The following MASP2 variants were observed in gnomAD, a reference collection of about 807,000 sequenced individuals.
MASP2 encodes the protein mannan-binding lectin serine protease 2.
In MASP2, 49 loss-of-function variants were observed where a neutral mutation model predicts 57.1. That is an observed-to-expected ratio of 0.86 (90% CI 0.68 to 1.09). MASP2 has a LOEUF of 1.09. Ranked by LOEUF, MASP2 falls within the 50% of genes least tolerant of loss-of-function variation. MASP2 has a pLI of 0.00. For synonymous variants in MASP2, 379 were observed against 340.8 expected, an observed-to-expected ratio of 1.11 and a Z score of -1.24; for missense variants, 900 against 874.8, an observed-to-expected ratio of 1.03 and a Z score of -0.36.
At chr1:11,030,671 G>T in intron 9 of MASP2, 77 bp downstream of exon 9, 2 of 1,465,222 alleles carry the variant, frequency 1.4e-6, no homozygotes, top group Non-Finnish European at 1.8e-6. Context: ...CAAAAATGTT[G>T]GTTAAAGTTT....
rs1217450126 is a variant in MASP2, at chr1:11,043,346, A to G, written c.734T>C (p.Phe245Ser). 1 of 1,605,558 alleles carries G rather than the reference A, an allele frequency of 6.2e-7. No individual in the cohort carries two copies. Among genetic ancestry groups the G allele is most frequent in the African/African-American group, 1.3e-5 (1 of 74,810 alleles). ...GGGGCCCAGGAGCCAGACCTTGAGA[A>G]AGTCGTAGGGACACAGGGTTTCAGG... ...THPETLCPYD[F>S]LKIQTDREEH... Residue 245 changes from phenylalanine (F) to serine (S), a missense_variant, in exon 5 of 11, where the codon TTT (phenylalanine) becomes TCT (serine). By Grantham distance (155) the Phe-to-Ser change is radical. Transcript: ENST00000400897.
intron 8 of MASP2, 123 bp downstream of exon 8, chr1:11,034,700 GAAAAA>G: frequency 2.0e-6 from 1 of 492,042 alleles, no homozygotes. Flanking sequence ...CCCTGTCTCA[GAAAAA>G]AAAAAAAAAG....
At position 11,027,192 on chromosome 1, in the gene MASP2, A is replaced by T; in HGVS notation, c.1754T>A (p.Leu585Gln). 1.2e-6 allele frequency: 2 copies of T among 1,614,248 alleles called. No homozygotes were observed. Among genetic ancestry groups the T allele is most frequent in the Non-Finnish European group, 1.7e-6 (2 of 1,180,034 alleles). ...LTQRGFLARN[L>Q]MYVDIPIVDH... is the part of the protein sequence containing the mutation. ...AACAATCGGTATGTCGACATACATTAGATTTCTAGCAAGAAAACCCCTTTG... is the reference window on the plus strand; with the variant it reads ...AACAATCGGTATGTCGACATACATTTGATTTCTAGCAAGAAAACCCCTTTG... The change falls in exon 11 of 11, where the codon CTA becomes CAA. Residue 585 changes from leucine to glutamine, a missense_variant. Transcript: ENST00000400897.
chr1:11,047,052 G>T lies in MASP2; in HGVS notation c.73C>A (p.Pro25Thr), dbSNP rs973822027. The T allele has an allele frequency of 6.4e-7, 1 of 1,551,002 alleles. No homozygotes were observed. The highest frequency in any genetic ancestry group is 2.0e-5 in the Admixed American group (1 of 51,040). The change falls in exon 2 of 11, where the codon CCT becomes ACT. Residue 25 changes from proline to threonine, a missense_variant. Coordinates refer to ENST00000400897, the MANE Select transcript of MASP2 (RefSeq NM_006610.4). ...ATPLGPKWPE[P>T]VFGRLASPGF... ...GGGGATGCCAGGCGCCCGAACACAG[G>T]TTCAGGCCACTTCGGGCCCAAGGGG...
In MASP2 at chr1:11,044,149, G is replaced by C. The variant is rs1638552253; in HGVS notation, c.545-614C>G. Among the ~76,000 whole-genome samples the C allele has an allele frequency of 2.0e-5, 3 of 152,204 alleles. No individual in the cohort carries two copies. The South Asian group carries it at 6.2e-4, about 31-fold the overall frequency. Reference sequence around the variant, plus strand: ...GGGTTCCTGGAGGAACCATCCGGAAGAAGGGTCTCTCATCACCCCCTTTCC... The same window carrying C: ...GGGTTCCTGGAGGAACCATCCGGAACAAGGGTCTCTCATCACCCCCTTTCC... On this transcript the variant is annotated intron_variant, in intron 4 of 10. Coordinates refer to ENST00000400897, the MANE Select transcript of MASP2 (RefSeq NM_006610.4).
At position 11,030,174 on chromosome 1, in the gene MASP2, A is replaced by G; in HGVS notation, c.1297+2T>C. 6.2e-7 allele frequency: 1 copy of G among 1,607,068 alleles called. No homozygotes were observed. The highest frequency in any genetic ancestry group is 8.5e-7 in the Non-Finnish European group (1 of 1,174,070). Reference sequence around the variant, plus strand: ...AGTCTCTTGTATAAATGTATCCATTACCAGGCTCACAGACTGGGAGTGATT... The same window carrying G: ...AGTCTCTTGTATAAATGTATCCATTGCCAGGCTCACAGACTGGGAGTGATT... On this transcript the variant is annotated splice_donor_variant, in intron 10 of 10. Coordinates refer to ENST00000400897, the MANE Select transcript of MASP2 (RefSeq NM_006610.4). LOFTEE classifies it high-confidence loss of function.
intron 8 of MASP2, among the ~76,000 whole-genome samples, 181 bp downstream of exon 8, chr1:11,034,647 C>T (rs1477246071): frequency 2.1e-5 from 3 of 145,830 alleles, no homozygotes; most frequent in Non-Finnish European, 3.0e-5. Flanking sequence ...TGCAGTGAGC[C>T]GAGATCACAC....
At chr1:11,033,336 A>T (rs1643866702) in intron 8 of MASP2, among the ~76,000 whole-genome samples, 1 of 150,196 alleles carries the variant, frequency 6.7e-6, no homozygotes, top group South Asian at 2.1e-4. Context: ...CTCCAAAAAA[A>T]AAAAGAAAAA....
intron 10 of MASP2, among the ~76,000 whole-genome samples, chr1:11,028,959 C>T (rs1262769500): frequency 6.0e-5 from 9 of 148,986 alleles, no homozygotes; most frequent in South Asian, 2.1e-4. Flanking sequence ...ACGATCTGCC[C>T]GCCTCAGCCT....
chr1:11,047,066 G>A lies in MASP2; in HGVS notation c.59C>T (p.Pro20Leu), dbSNP rs1276880450. 1.3e-5 allele frequency: 20 copies of A among 1,549,780 alleles called. No individual in the cohort carries two copies. In the Admixed American group the frequency reaches 1.6e-4, roughly 12 times the overall value. Residue 20 changes from proline to leucine, a missense_variant, in exon 2 of 11, where the codon CCG becomes CTG. Pro to Leu is a moderately conservative substitution (Grantham distance 98, BLOSUM62 -3). Coordinates refer to ENST00000400897, the MANE Select transcript of MASP2 (RefSeq NM_006610.4). ...CCCGAACACAGGTTCAGGCCACTTC[G>A]GGCCCAAGGGGGTGGCCACCGAGCC... ...LCGSVATPLGPKWPEPVFGRL... is the reference protein window; with the variant it reads ...LCGSVATPLGLKWPEPVFGRL...
At position 11,034,817 on chromosome 1, in the gene MASP2, CACG is replaced by C. The variant is rs534547943; in HGVS notation, c.1087+8_1087+10del. ...GCGGTTATGGGGCCTGTAGTCACCA[CACG>C]ACCGTACTGCTGCACGCGGGCATTG... On this transcript the variant is annotated splice_region_variant and intron_variant, in intron 8 of 10. Coordinates refer to ENST00000400897, the MANE Select transcript of MASP2 (RefSeq NM_006610.4). The C allele has an allele frequency of 2.1e-5, 33 of 1,603,278 alleles. No individual in the cohort carries two copies. In the Admixed American group the frequency reaches 2.2e-4, roughly 11 times the overall value.
At chr1:11,031,368 A>G (rs1287395900) in intron 8 of MASP2, among the ~76,000 whole-genome samples, 1 of 135,418 alleles carries the variant, frequency 7.4e-6, no homozygotes, top group Non-Finnish European at 1.5e-5. Flanking sequence ...CTAAAAATAC[A>G]AAAAAAAAAA....
intron 3 of MASP2, chr1:11,045,742 A>G: frequency 1.7e-6 from 1 of 595,240 alleles, no homozygotes; most frequent in Non-Finnish European, 3.0e-6. Context: ...GAAAGATGCA[A>G]ACATCACCTC....
Position 11,030,840 on chromosome 1 carries a change from A to G in MASP2, c.1130T>C (p.Val377Ala), listed in dbSNP as rs2273346. 54,193 of 1,613,664 alleles carry G rather than the reference A, an allele frequency of 0.034. 2,381 individuals are homozygous for G. Among genetic ancestry groups the G allele is most frequent in the East Asian group, 0.19 (8,633 of 44,824 alleles). ...GPPDDLPSGR[V>A]EYITGPGVTT... ...CACTCCAGGACCTGTGATGTACTCC[A>G]CTCGGCCACTGGGTAGATCATCAGG... The change falls in exon 9 of 11, where the codon GTG (valine) becomes GCG (alanine). Residue 377 changes from valine to alanine, a missense_variant. Val to Ala is a moderately conservative substitution (Grantham distance 64). Transcript: ENST00000400897.
At chr1:11,035,972 G>A (rs917515874) in intron 7 of MASP2, among the ~76,000 whole-genome samples, 2 of 151,550 alleles carry the variant, frequency 1.3e-5, no homozygotes, top group Non-Finnish European at 1.5e-5. Context: ...ACTTGCAAGT[G>A]TGTCTGTGTA....
Position 11,043,421 on chromosome 1 carries a change from C to A in MASP2, c.659G>T (p.Gly220Val). The change falls in exon 5 of 11, where the codon GGG becomes GTG. Residue 220 changes from glycine to valine, a missense_variant. Gly to Val is a moderately radical substitution (Grantham distance 109, BLOSUM62 -3). Coordinates refer to ENST00000400897, the MANE Select transcript of MASP2 (RefSeq NM_006610.4). ...CACAAAGTCCAGAATGACACTGAAC[C>A]CCTCCTCCAGGCTGATGCTGTAAGT... Reference protein sequence around the residue: ...SCTYSISLEEGFSVILDFVES... With the variant: ...SCTYSISLEEVFSVILDFVES... The A allele has an allele frequency of 6.2e-7, 1 of 1,610,946 alleles. No homozygotes were observed. The highest frequency in any genetic ancestry group is 8.5e-7 in the Non-Finnish European group (1 of 1,178,960).
intron 7 of MASP2, among the ~76,000 whole-genome samples, chr1:11,035,841 AG>A (rs1053561321): frequency 1.9e-4 from 26 of 134,344 alleles, no homozygotes; most frequent in African/African-American, 6.7e-4. Context: ...GGCTGTGGTG[AG>A]CTGTGATCGT....
intron 6 of MASP2, among the ~76,000 whole-genome samples, chr1:11,038,651 CT>C (rs1638325166): frequency 6.6e-6 from 1 of 152,224 alleles, no homozygotes; most frequent in Non-Finnish European, 1.5e-5. Flanking sequence ...CTGGGTGCCC[CT>C]GACCCAGCCT....
intron 10 of MASP2, 23 bp from the exon 11 acceptor site, chr1:11,027,671 A>G (rs1190727036): frequency 1.3e-6 from 2 of 1,555,078 alleles, no homozygotes; most frequent in Admixed American, 2.1e-5. Context: ...GCAGATAGGT[A>G]GAGAGCCTTT....
Sources: allele counts gnomAD v4.1 joint callset (sites outside exome capture counted in the v4.1 genomes callset), GRCh38; gene constraint gnomAD v4.1.1; transcripts MANE v1.5; gene names NCBI Gene and HGNC (gene_info 2026-07-23, HGNC 2026-07-21).